The following MAP4 variants were observed in gnomAD, a reference collection of about 807,000 sequenced individuals.
The protein encoded by MAP4 is microtubule-associated protein 4.
Under a neutral mutation model 170.2 loss-of-function variants are expected in MAP4, and 76 were observed. The ratio of observed to expected loss-of-function variants is 0.45; its 90% CI spans 0.37 to 0.54. The LOEUF (loss-of-function observed/expected upper bound fraction) is 0.54. Among genes scored for constraint, MAP4 ranks in the 20% least tolerant of loss-of-function variants. The probability of loss-of-function intolerance (pLI) is 0.00; values close to 1 mark genes in which losing one functional copy is unlikely to be tolerated. For synonymous variants in MAP4, 909 were observed against 994.5 expected (o/e 0.91, Z 1.62); for missense variants, 2,506 against 2,748.0 (o/e 0.91, Z 1.97).
intron 1 of MAP4, among the ~76,000 whole-genome samples, chr3:48,008,087 C>A (rs1579186574): frequency 6.6e-6 from 1 of 152,234 alleles, no homozygotes; most frequent in Non-Finnish European, 1.5e-5. Flanking sequence ...TCAGACCCAT[C>A]TAGCCATACA....
At position 48,014,429 on chromosome 3, in the gene MAP4, T is replaced by C. The variant is rs1156502336; in HGVS notation, c.-20+1905A>G. Among the ~76,000 whole-genome samples, 4 of 152,206 alleles carry C rather than the reference T, an allele frequency of 2.6e-5. No individual in the cohort carries two copies. The East Asian group carries it at 5.8e-4, about 22-fold the overall frequency. On this transcript the variant is annotated intron_variant, in intron 1 of 20. Transcript: ENST00000683076. Reference sequence around the variant, plus strand: ...AAAGGTGCTACTATGGGAGCTAAAATGCAGGGAAAAAACTCATGAAAAGCT... The same window carrying C: ...AAAGGTGCTACTATGGGAGCTAAAACGCAGGGAAAAAACTCATGAAAAGCT...
intron 3 of MAP4, among the ~76,000 whole-genome samples, chr3:47,956,397 C>T (rs1376970381): frequency 6.6e-6 from 1 of 152,190 alleles, no homozygotes; most frequent in Non-Finnish European, 1.5e-5. Context: ...TGGGGAGCTG[C>T]AGCACTACAG....
chr3:48,063,468 C>A (rs2100136947), intron 1 of MAP4, among the ~76,000 whole-genome samples: 1 of 151,872 alleles, frequency 6.6e-6, no homozygotes, highest in Non-Finnish European at 1.5e-5. Context: ...CATACTCTCT[C>A]ACCACACAAT....
In MAP4 at chr3:47,877,489, C is replaced by A; in HGVS notation, c.5469G>T (p.Val1823=). The change falls in exon 11 of 21, where the codon GTG becomes GTT. Residue 1823 remains valine (V), a synonymous_variant. Transcript: ENST00000683076. ...TGGTGATGTCATTTCCTGTCCCACT[C>A]ACCACAGGCCTTCCTTCTTCTGGCC... is the stretch of plus-strand genomic sequence containing the variant. ...IARPEEGRPV[V]SGTGNDITTP... 6.2e-7 allele frequency: 1 copy of A among 1,614,044 alleles called. No homozygotes were observed. Among genetic ancestry groups the A allele is most frequent in the Non-Finnish European group, 8.5e-7 (1 of 1,179,986 alleles).
chr3:47,875,608 T>C, intron 12 of MAP4, 77 bp downstream of exon 12: 1 of 1,269,462 alleles, frequency 7.9e-7, no homozygotes, highest in South Asian at 1.3e-5. Flanking sequence ...CTGTTGTCTG[T>C]TAGCAACAAG....
intron 10 of MAP4, among the ~76,000 whole-genome samples, chr3:47,888,964 TTGTC>T (rs1434059901): frequency 6.6e-6 from 1 of 152,200 alleles, no homozygotes; most frequent in African/African-American, 2.4e-5. Context: ...TACTCACTCA[TTGTC>T]AGTATAGACA....
chr3:48,030,448 G>A (rs1327754633), intron 1 of MAP4, among the ~76,000 whole-genome samples: 1 of 149,022 alleles, frequency 6.7e-6, no homozygotes, highest in Non-Finnish European at 1.5e-5. Flanking sequence ...GAAGTACCTT[G>A]TATTTCCAGA....
intron 10 of MAP4, among the ~76,000 whole-genome samples, chr3:47,882,730 A>G (rs1184187346): frequency 6.6e-6 from 1 of 151,816 alleles, no homozygotes; most frequent in Non-Finnish European, 1.5e-5. Context: ...GCACACCGCC[A>G]CACCCAGCTA....
rs3051642 is a variant in MAP4 at position 47,902,673 on chromosome 3, C to CAAAAAA, written c.5434+271_5434+276dup. ...TGGGCGACAGAGGGAGACTCTGTCT[C>CAAAAAA]AAAAAAAAAAAAAAAAAAAAAAAAA... On this transcript the variant is annotated intron_variant, in intron 10 of 20. Transcript: ENST00000683076. Among the ~76,000 whole-genome samples, 35 of 25,764 alleles carry CAAAAAA rather than the reference C, an allele frequency of 1.4e-3. 4 individuals carry two copies. The highest frequency in any genetic ancestry group is 2.7e-3 in the East Asian group (2 of 748). The allele number at this position is 25,764 out of a possible 152,430, so 16.9% of individuals were successfully genotyped here.
chr3:47,991,375 T>C (rs866809662), intron 2 of MAP4, among the ~76,000 whole-genome samples: 5 of 152,084 alleles, frequency 3.3e-5, no homozygotes, highest in East Asian at 1.9e-4. Context: ...TGTAAGAACA[T>C]ATCGAGAGCA....
intron 1 of MAP4, among the ~76,000 whole-genome samples, chr3:48,004,081 A>G (rs147391738): frequency 6.6e-6 from 1 of 152,236 alleles, no homozygotes; most frequent in Non-Finnish European, 1.5e-5. Context: ...TTATAAACAT[A>G]CATATATATC....
Position 47,974,876 on chromosome 3 carries a change from T to C in MAP4, c.292+2989A>G, listed in dbSNP as rs1252076288. Reference sequence around the variant, plus strand: ...ATTTAAAAACTTAAAATATCTATCATTATTTAGATTTTAGTAAGGTGGAGA... The same window carrying C: ...ATTTAAAAACTTAAAATATCTATCACTATTTAGATTTTAGTAAGGTGGAGA... On this transcript the variant is annotated intron_variant, in intron 3 of 20. Transcript: ENST00000683076. The C allele has an allele frequency of 5.2e-6, 5 of 966,026 alleles. No homozygotes were observed. The African/African-American group carries it at 8.8e-5, about 17-fold the overall frequency. 59.8% of individuals were successfully genotyped at this position (966,026 alleles called of 1,614,324 possible).
chr3:48,017,784 T>C (rs1196153588), upstream of MAP4, among the ~76,000 whole-genome samples: 1 of 152,196 alleles, frequency 6.6e-6, no homozygotes, highest in African/African-American at 2.4e-5. Flanking sequence ...CTCCCAGTAG[T>C]ATTCAGAACT....
intron 2 of MAP4, among the ~76,000 whole-genome samples, chr3:47,995,588 G>A (rs7433678): frequency 0.63 from 95,372 of 151,938 alleles, 30,640 homozygotes; most frequent in East Asian, 0.73. Context: ...TAGAACTCTC[G>A]GTACTTTTTT....
chr3:47,864,327 G>C (rs1368248112), intron 17 of MAP4, among the ~76,000 whole-genome samples: 1 of 152,078 alleles, frequency 6.6e-6, no homozygotes, highest in African/African-American at 2.4e-5. Context: ...GATCACCTGA[G>C]GTCAGGAGTT....
rs563241857 is a variant in MAP4, at chr3:47,890,944, T to C, written c.5434+12006A>G. The C allele has an allele frequency of 2.4e-4, 292 of 1,199,270 alleles. 1 individual carries two copies. The South Asian group carries it at 4.5e-3, about 18-fold the overall frequency. 74.3% of individuals were successfully genotyped at this position (1,199,270 alleles called of 1,614,324 possible). On this transcript the variant is annotated intron_variant, in intron 10 of 20. Transcript: ENST00000683076. ...AACCCAGCTGTAAAAAGCTGCTTAG[T>C]GCTCTGCCGGTAATCTGTCACTTTG...
chr3:47,912,132 G>C lies in MAP4; in HGVS notation c.2289C>G (p.Ser763Arg). Residue 763 changes from serine to arginine, a missense_variant, in exon 9 of 21, where the codon AGC becomes AGG. Transcript: ENST00000683076. ...TCTTTTTCTTCATCATTATTGGTGT[G>C]CTTTCTATATCCCAGGCCTCCCTGC... ...DLGREAWDIE[S>R]TPIMMKKKKK... is the part of the protein sequence containing the mutation. 1 of 1,536,120 alleles carries C rather than the reference G, an allele frequency of 6.5e-7. No individual in the cohort carries two copies. The highest frequency in any genetic ancestry group is 8.7e-7 in the Non-Finnish European group (1 of 1,146,900).
At chr3:48,018,878 T>C (rs1169300228), upstream of MAP4, among the ~76,000 whole-genome samples, 1 of 152,188 alleles carries the variant, frequency 6.6e-6, no homozygotes, top group East Asian at 1.9e-4. Flanking sequence ...AGAGCAAGCA[T>C]GTTGTCTGGA....
rs1027357827 is a variant in MAP4 at position 47,987,344 on chromosome 3, C to G, written c.224-9411G>C. On this transcript the variant is annotated intron_variant, in intron 2 of 20. Coordinates refer to ENST00000683076, the MANE Select transcript of MAP4 (RefSeq NM_001385682.1). The stretch of plus-strand genomic sequence containing the variant: ...CTTAATTATGATCTTACAAGTACCA[C>G]AGAGGAAAGAGGAAAGTTCAGGGAA... The G allele has an allele frequency of 2.8e-6, 4 of 1,450,244 alleles. No homozygotes were observed. In the African/African-American group the frequency reaches 4.3e-5, roughly 15 times the overall value. 89.8% of individuals were successfully genotyped at this position (1,450,244 alleles called of 1,614,324 possible). A position where few individuals can be genotyped will look rare whatever the true frequency, so the allele number is the denominator to read the frequency against.
Sources: allele counts gnomAD v4.1 joint callset (sites outside exome capture counted in the v4.1 genomes callset), GRCh38; gene constraint gnomAD v4.1.1; transcripts MANE v1.5; gene names NCBI Gene and HGNC (gene_info 2026-07-23, HGNC 2026-07-21).